The following SPATA16 variants were observed in gnomAD, a reference collection of about 807,000 sequenced individuals.
The protein encoded by SPATA16 is spermatogenesis associated 16, also known as spermatogenesis-associated protein 16.
In SPATA16, 36 loss-of-function variants were observed where a neutral mutation model predicts 63.3. The observed-to-expected ratio is 0.57, with a 90% CI of 0.44 to 0.75. The LOEUF is 0.75. SPATA16 is among the 30% of genes least tolerant of loss of function. SPATA16 has a pLI of 0.00. For synonymous variants in SPATA16, 203 were observed against 216.7 expected (o/e 0.94, Z 0.56); for missense variants, 646 against 679.3 (o/e 0.95, Z 0.54).
At chr3:172,982,713 TTTTA>T (rs1377569660) in intron 4 of SPATA16, among the ~76,000 whole-genome samples, 1 of 152,186 alleles carries the variant, frequency 6.6e-6, no homozygotes, top group South Asian at 2.1e-4. Context: ...TATTTTCCAG[TTTTA>T]TTTATTTATT....
chr3:173,070,800 A>G (rs1736656188), intron 2 of SPATA16, among the ~76,000 whole-genome samples: 1 of 152,228 alleles, frequency 6.6e-6, no homozygotes. Context: ...CATTGATGAA[A>G]GAAATTGAAG....
At chr3:173,030,166 A>G (rs1245642590) in intron 3 of SPATA16, among the ~76,000 whole-genome samples, 1 of 143,492 alleles carries the variant, frequency 7.0e-6, no homozygotes, top group African/African-American at 2.7e-5. Flanking sequence ...AGCTTATAAA[A>G]TACTTATGAA....
intron 2 of SPATA16, among the ~76,000 whole-genome samples, chr3:173,084,327 T>A (rs12638484): frequency 0.24 from 35,902 of 152,142 alleles, 4,819 homozygotes; most frequent in African/African-American, 0.36. Context: ...TTTTGAGAAC[T>A]GTCTGTTTAC....
At chr3:172,996,276 C>A (rs562836226) in intron 4 of SPATA16, among the ~76,000 whole-genome samples, 2 of 151,968 alleles carry the variant, frequency 1.3e-5, no homozygotes, top group African/African-American at 4.8e-5. Context: ...TTATTATTAC[C>A]AAATGGCAAA....
Position 173,117,307 on chromosome 3 carries a change from G to C in SPATA16, c.425C>G (p.Ser142Cys), listed in dbSNP as rs1461795553. 3 of 1,614,118 alleles carry C rather than the reference G, an allele frequency of 1.9e-6. No homozygotes were observed. Among genetic ancestry groups the C allele is most frequent in the Admixed American group, 3.3e-5 (2 of 60,012 alleles). ...EMGVRYEFVESFMSTGSQPTC... is the reference protein window; with the variant it reads ...EMGVRYEFVECFMSTGSQPTC... Reference sequence around the variant, plus strand: ...TGGCTGACTCCCAGTAGACATGAAGGACTCTACAAACTCATAGCGAACACC... The same window carrying C: ...TGGCTGACTCCCAGTAGACATGAAGCACTCTACAAACTCATAGCGAACACC... The change falls in exon 2 of 11, where the codon TCC becomes TGC. Residue 142 changes from serine to cysteine, a missense_variant. Transcript: ENST00000351008.
intron 4 of SPATA16, among the ~76,000 whole-genome samples, chr3:173,005,071 C>A (rs1734910479): frequency 6.6e-6 from 1 of 152,012 alleles, no homozygotes; most frequent in Non-Finnish European, 1.5e-5. Flanking sequence ...GCCTGTATTC[C>A]CAGCACTCTG....
rs141260575 is a variant in SPATA16, at chr3:172,936,045, A to G, written c.1082-10553T>C. Among the ~76,000 whole-genome samples, 349 of 152,338 alleles carry G rather than the reference A, an allele frequency of 2.3e-3. 1 individual carries two copies. Among genetic ancestry groups the G allele is most frequent in the African/African-American group, 8.2e-3 (341 of 41,580 alleles). ...AAAACACACAAAGATACAATTTTCA[A>G]TGAGTGAGAGGTGGTGTGGTATCAT... On this transcript the variant is annotated intron_variant, in intron 6 of 10. Transcript: ENST00000351008.
chr3:173,098,778 A>G (rs1254668413), intron 2 of SPATA16, among the ~76,000 whole-genome samples: 1 of 152,204 alleles, frequency 6.6e-6, no homozygotes, highest in Non-Finnish European at 1.5e-5. Flanking sequence ...TGGCACAGAT[A>G]GTAAAGGAAA....
intron 6 of SPATA16, among the ~76,000 whole-genome samples, chr3:172,935,786 C>T (rs1011215883): frequency 8.6e-5 from 13 of 151,578 alleles, no homozygotes; most frequent in Non-Finnish European, 1.8e-4. Flanking sequence ...ATTTTTTTTT[C>T]CTCTGGGAAT....
chr3:173,019,453 T>C (rs1486096085), intron 4 of SPATA16, 33 bp downstream of exon 4: 2 of 1,552,030 alleles, frequency 1.3e-6, no homozygotes, highest in Admixed American at 1.7e-5. Context: ...TTTGACTTGA[T>C]ATAAATCCTC....
intron 5 of SPATA16, among the ~76,000 whole-genome samples, chr3:172,971,547 G>A (rs139352383): frequency 2.4e-4 from 36 of 152,222 alleles, no homozygotes; most frequent in East Asian, 7.7e-4. Context: ...AATAGTTTGC[G>A]CTAGAATATA....
At chr3:173,016,686 A>G (rs895346905) in intron 4 of SPATA16, among the ~76,000 whole-genome samples, 17 of 152,184 alleles carry the variant, frequency 1.1e-4, no homozygotes, top group African/African-American at 3.6e-4. Context: ...GCCTGAATCA[A>G]ACTACTCAAA....
chr3:173,110,517 G>T (rs2139687), intron 2 of SPATA16, among the ~76,000 whole-genome samples: 2 of 152,008 alleles, frequency 1.3e-5, no homozygotes, highest in African/African-American at 2.4e-5. Flanking sequence ...GGAATGTTAA[G>T]CTTTAAATTA....
intron 4 of SPATA16, among the ~76,000 whole-genome samples, chr3:172,995,136 A>G (rs918044601): frequency 1.2e-4 from 18 of 152,202 alleles, no homozygotes; most frequent in African/African-American, 4.1e-4. Context: ...TTTTTAAAAA[A>G]GTAAAGGGGA....
chr3:172,992,187 A>G (rs113839988), intron 4 of SPATA16, among the ~76,000 whole-genome samples: 1 of 151,972 alleles, frequency 6.6e-6, no homozygotes, highest in Non-Finnish European at 1.5e-5. Context: ...TCTTCTATTT[A>G]AAAAACCACA....
At chr3:173,009,505 C>T (rs1436734206) in intron 4 of SPATA16, among the ~76,000 whole-genome samples, 1 of 152,240 alleles carries the variant, frequency 6.6e-6, no homozygotes, top group East Asian at 1.9e-4. Context: ...AGGCACCACT[C>T]AAGCCCATGT....
chr3:172,895,916 C>T (rs889996480), intron 10 of SPATA16, among the ~76,000 whole-genome samples: 2 of 151,662 alleles, frequency 1.3e-5, no homozygotes, highest in Admixed American at 6.6e-5. Context: ...TTTGTTTGAA[C>T]GTAAGTCTTT....
At chr3:173,053,636 G>A (rs1397620873) in intron 2 of SPATA16, among the ~76,000 whole-genome samples, 1 of 151,894 alleles carries the variant, frequency 6.6e-6, no homozygotes, top group Non-Finnish European at 1.5e-5. Flanking sequence ...TCTTTAATTA[G>A]GATCATCATT....
chr3:172,944,732 C>T (rs551894190), intron 6 of SPATA16, among the ~76,000 whole-genome samples: 124 of 152,162 alleles, frequency 8.1e-4, no homozygotes, highest in African/African-American at 2.8e-3. Context: ...TGAAATAAGC[C>T]AGACACAAAT....
Sources: gnomAD v4.1 joint callset for allele counts (sites outside exome capture counted in the v4.1 genomes callset) on GRCh38, gnomAD v4.1.1 for gene constraint, MANE v1.5 for transcripts, NCBI Gene and HGNC (gene_info 2026-07-23, HGNC 2026-07-21) for gene names.